Variants in FRMD6 observed in about 807,000 individuals in gnomAD.
FRMD6 encodes the protein FERM domain-containing protein 6.
Under a neutral mutation model 73.2 loss-of-function variants are expected in FRMD6, and 37 were observed. The observed-to-expected ratio is 0.51, with a 90% CI of 0.39 to 0.66. The LOEUF is 0.66. FRMD6 is among the 30% of genes least tolerant of loss of function. The pLI, the probability that FRMD6 is intolerant of heterozygous loss-of-function variation, is 0.00. For missense variants in FRMD6, 714 were observed against 780.5 expected, an observed-to-expected ratio of 0.91 and a Z score of 1.02; for synonymous variants, 273 against 282.2, an observed-to-expected ratio of 0.97 and a Z score of 0.33.
chr14:51,720,571 C>G, intron 11 of FRMD6, 181 bp downstream of exon 11: 1 of 613,714 alleles, frequency 1.6e-6, no homozygotes, highest in Non-Finnish European at 2.9e-6. Context: ...AACAAAACAT[C>G]CCTCTAGTTG....
chr14:51,685,041 C>G (rs941141565), intron 1 of FRMD6, among the ~76,000 whole-genome samples: 5 of 152,126 alleles, frequency 3.3e-5, no homozygotes, highest in African/African-American at 1.2e-4. Flanking sequence ...GGAAATAGAT[C>G]CCACCTCTGA....
chr14:51,678,833 T>C (rs955085541), intron 1 of FRMD6, among the ~76,000 whole-genome samples: 2 of 15,852 alleles, frequency 1.3e-4, no homozygotes, highest in African/African-American at 2.8e-4. Context: ...TTATGTTCTT[T>C]TGGAGTGGGT....
At chr14:51,698,749 T>C (rs1160992231) in intron 3 of FRMD6, among the ~76,000 whole-genome samples, 1 of 152,026 alleles carries the variant, frequency 6.6e-6, no homozygotes, top group Non-Finnish European at 1.5e-5. Context: ...CTTGGAAATA[T>C]CGGGTCAGTT....
chr14:51,577,031 G>A (rs1421755135), intron 2 of FRMD6, among the ~76,000 whole-genome samples: 1 of 152,148 alleles, frequency 6.6e-6, no homozygotes, highest in East Asian at 1.9e-4. Context: ...GTTGGGGTGG[G>A]GCTAAGCCTC....
intron 1 of FRMD6, among the ~76,000 whole-genome samples, chr14:51,656,538 C>T (rs753819317): frequency 2.8e-4 from 42 of 152,050 alleles, no homozygotes; most frequent in African/African-American, 9.6e-4. Context: ...CTCAGCCTCC[C>T]GAGTAGCTGG....
chr14:51,542,877 A>G (rs1187655463), intron 1 of FRMD6, among the ~76,000 whole-genome samples: 1 of 152,042 alleles, frequency 6.6e-6, no homozygotes, highest in Non-Finnish European at 1.5e-5. Context: ...AGTGACATTG[A>G]GCATCTTTCC....
intron 2 of FRMD6, among the ~76,000 whole-genome samples, chr14:51,694,137 G>A (rs1895788225): frequency 6.6e-6 from 1 of 152,084 alleles, no homozygotes; most frequent in South Asian, 2.1e-4. Flanking sequence ...TGGTCATTCT[G>A]AATTCCCTGT....
chr14:51,722,457 C>G (rs983185003), intron 12 of FRMD6, among the ~76,000 whole-genome samples: 1 of 152,122 alleles, frequency 6.6e-6, no homozygotes, highest in Non-Finnish European at 1.5e-5. Flanking sequence ...GAGGACAAAT[C>G]CAACATGGCT....
At chr14:51,588,275 T>A (rs527757108) in intron 2 of FRMD6, among the ~76,000 whole-genome samples, 150 of 152,252 alleles carry the variant, frequency 9.9e-4, no homozygotes, top group South Asian at 3.9e-3. Context: ...TTGGTTTTTT[T>A]AATTTTATTA....
At chr14:51,419,166 T>A in the FRMD6 span, among the ~76,000 whole-genome samples, 1 of 152,150 alleles carries the variant, frequency 6.6e-6, no homozygotes, top group African/African-American at 2.4e-5. Context: ...CTGCTTCAGA[T>A]CACCCTCTGT....
intron 2 of FRMD6, among the ~76,000 whole-genome samples, chr14:51,578,128 G>A (rs138400721): frequency 6.6e-6 from 1 of 152,246 alleles, no homozygotes; most frequent in East Asian, 1.9e-4. Flanking sequence ...AACTTTTAGA[G>A]ACCTGGTCTC....
At chr14:51,454,507 T>G in the FRMD6 span, 2 of 152,178 alleles carry the variant, frequency 1.3e-5, no homozygotes, top group African/African-American at 4.8e-5. Flanking sequence ...AACCAAAATA[T>G]CTGAGTTTGA....
the FRMD6 span, among the ~76,000 whole-genome samples, chr14:51,402,693 C>T: frequency 6.0e-3 from 894 of 149,048 alleles, 10 homozygotes; most frequent in African/African-American, 0.021. Context: ...GGCTGGAGTG[C>T]GGTGGCATGA....
intron 2 of FRMD6, among the ~76,000 whole-genome samples, chr14:51,602,659 A>T (rs1322940382): frequency 1.3e-5 from 2 of 152,208 alleles, no homozygotes; most frequent in East Asian, 3.8e-4. Context: ...CAAAAAGCCT[A>T]AAATATTTAC....
At chr14:51,697,670 CAT>C (rs1180090616) in intron 2 of FRMD6, among the ~76,000 whole-genome samples, 2 of 151,842 alleles carry the variant, frequency 1.3e-5, no homozygotes, top group Admixed American at 6.6e-5. Flanking sequence ...TGACATAATG[CAT>C]ATGTTAGTCT....
chr14:51,680,938 A>C (rs1894753332), intron 1 of FRMD6, among the ~76,000 whole-genome samples: 1 of 152,140 alleles, frequency 6.6e-6, no homozygotes, highest in African/African-American at 2.4e-5. Context: ...TTGGGTGAAA[A>C]GGTATGAACA....
chr14:51,508,950 G>A (rs1269659556), intron 1 of FRMD6, among the ~76,000 whole-genome samples: 1 of 152,080 alleles, frequency 6.6e-6, no homozygotes, highest in Non-Finnish European at 1.5e-5. Context: ...AACAGATCAA[G>A]AATGACTATG....
chr14:51,537,515 A>G (rs1305807630), intron 1 of FRMD6, among the ~76,000 whole-genome samples: 2 of 152,222 alleles, frequency 1.3e-5, no homozygotes, highest in Non-Finnish European at 2.9e-5. Context: ...ATTTGGGTCA[A>G]TCCCGTGGAG....
At chr14:51,725,641 C>T in intron 12 of FRMD6, 138 bp from the exon 13 acceptor site, 3 of 619,164 alleles carry the variant, frequency 4.8e-6, no homozygotes, top group Non-Finnish European at 8.8e-6. Flanking sequence ...TTGTCTGCCA[C>T]CAAAGAGTCA....
Sources: allele counts gnomAD v4.1 joint callset (sites outside exome capture counted in the v4.1 genomes callset), GRCh38; gene constraint gnomAD v4.1.1; transcripts MANE v1.5; gene names NCBI Gene and HGNC (gene_info 2026-07-23, HGNC 2026-07-21).